FAM114A2: variants seen among roughly 807,000 people sequenced by gnomAD.
FAM114A2 encodes family with sequence similarity 114 member A2.
A neutral mutation model predicts 58.4 loss-of-function variants in FAM114A2; 53 were observed. The ratio of observed to expected loss-of-function variants is 0.91; its 90% CI spans 0.73 to 1.14. The LOEUF is 1.14. Among genes scored for constraint, FAM114A2 ranks in the 50% most tolerant of loss-of-function variants. The probability of loss-of-function intolerance (pLI) is 0.00; values close to 1 mark genes in which losing one functional copy is unlikely to be tolerated. For missense variants in FAM114A2, 601 were observed against 581.1 expected, an observed-to-expected ratio of 1.03 and a Z score of -0.35; for synonymous variants, 228 against 211.4, an observed-to-expected ratio of 1.08 and a Z score of -0.68.
At position 154,002,206 on chromosome 5, in the gene FAM114A2, A is replaced by G. The variant is rs374333870; in HGVS notation, c.1256+45T>C. The G allele has an allele frequency of 6.3e-6, 10 of 1,586,488 alleles. No homozygotes were observed. In the African/African-American group the frequency reaches 1.1e-4, roughly 17 times the overall value. Reference sequence around the variant, plus strand: ...AAAACTTTGGAAACAGGCCAAGAAAACTCCTGCAATTTGCATCATTTAGAG... The same window carrying G: ...AAAACTTTGGAAACAGGCCAAGAAAGCTCCTGCAATTTGCATCATTTAGAG... On this transcript the variant is annotated intron_variant, in intron 11 of 13. Transcript: ENST00000351797.
intron 8 of FAM114A2, among the ~76,000 whole-genome samples, chr5:154,021,078 C>A (rs1476946763): frequency 2.0e-5 from 3 of 152,142 alleles, no homozygotes; most frequent in Admixed American, 6.6e-5. Flanking sequence ...CAGAAAAGGC[C>A]TTTGACAAAA....
At chr5:154,025,874 T>C (rs773369199) in intron 8 of FAM114A2, among the ~76,000 whole-genome samples, 1 of 152,316 alleles carries the variant, frequency 6.6e-6, no homozygotes, top group East Asian at 1.9e-4. Flanking sequence ...ACATAGTATC[T>C]ACATTTACAT....
intron 10 of FAM114A2, 64 bp downstream of exon 10, chr5:154,002,783 C>T: frequency 6.4e-7 from 1 of 1,560,678 alleles, no homozygotes; most frequent in South Asian, 1.1e-5. Context: ...GAGCCTGGGT[C>T]CCTGATTGTG....
intron 9 of FAM114A2, among the ~76,000 whole-genome samples, chr5:154,003,340 A>C (rs1375193260): frequency 6.6e-6 from 1 of 151,672 alleles, no homozygotes; most frequent in Non-Finnish European, 1.5e-5. Context: ...CACCACGCCC[A>C]GCTAATTTTT....
Position 154,028,228 on chromosome 5 carries a change from G to T in FAM114A2, c.551C>A (p.Thr184Lys). 1.2e-6 allele frequency: 2 copies of T among 1,610,892 alleles called. No homozygotes were observed. Among genetic ancestry groups the T allele is most frequent in the Non-Finnish European group, 1.7e-6 (2 of 1,177,422 alleles). The change falls in exon 6 of 14, where the codon ACA becomes AAA. Residue 184 changes from threonine to lysine, a missense_variant. Coordinates refer to ENST00000351797, the MANE Select transcript of FAM114A2 (RefSeq NM_018691.4). ...LDALEFIGKK[T>K]MDVIAEGDPG... is the part of the protein sequence containing the mutation. ...ATCCCCTTCTGCTATCACATCCATT[G>T]TCTTTTTTCCAATGAATTCTAAGGC...
At chr5:154,033,746 C>T (rs886658314) in intron 4 of FAM114A2, 45 bp downstream of exon 4, 2 of 1,145,040 alleles carry the variant, frequency 1.7e-6, no homozygotes, top group African/African-American at 3.1e-5. Context: ...TCAACTGTTC[C>T]ATTTCAATTC....
At chr5:154,034,446 T>C in intron 2 of FAM114A2, 69 bp from the exon 3 acceptor site, 1 of 934,728 alleles carries the variant, frequency 1.1e-6, no homozygotes, top group Non-Finnish European at 1.7e-6. Flanking sequence ...AATCAGAATG[T>C]ACAGACAAGG....
intron 8 of FAM114A2, among the ~76,000 whole-genome samples, chr5:154,012,878 G>C (rs1226422640): frequency 6.6e-6 from 1 of 152,002 alleles, no homozygotes; most frequent in Non-Finnish European, 1.5e-5. Flanking sequence ...TAATTCAATG[G>C]AGGGCAGGAA....
chr5:154,032,252 G>A (rs548668720), intron 4 of FAM114A2, among the ~76,000 whole-genome samples: 106 of 152,250 alleles, frequency 7.0e-4, no homozygotes, highest in African/African-American at 2.4e-3. Flanking sequence ...TGTTTCTGTG[G>A]TTTGTGTTCC....
chr5:154,013,405 T>A (rs1770827933), intron 8 of FAM114A2, among the ~76,000 whole-genome samples: 2 of 152,282 alleles, frequency 1.3e-5, no homozygotes, highest in South Asian at 2.1e-4. Flanking sequence ...ACCACTTTTT[T>A]AAAAAACAGC....
chr5:154,033,952 A>G (rs1261652554), intron 3 of FAM114A2, 69 bp from the exon 4 acceptor site: 21 of 954,612 alleles, frequency 2.2e-5, no homozygotes, highest in Non-Finnish European at 3.3e-5. Flanking sequence ...ATCAAACTTG[A>G]AGATTTTTAA....
intron 8 of FAM114A2, among the ~76,000 whole-genome samples, chr5:154,014,657 C>T (rs1770909391): frequency 2.0e-5 from 3 of 152,120 alleles, no homozygotes; most frequent in South Asian, 2.1e-4. Context: ...CCTGTGGGCT[C>T]GCTGGGTCCC....
intron 9 of FAM114A2, 126 bp downstream of exon 9, chr5:154,011,115 T>A (rs187823795): frequency 1.5e-6 from 1 of 678,778 alleles, no homozygotes; most frequent in Admixed American, 2.8e-5. Context: ...AACCCAATTC[T>A]GGGTATAACG....
rs1389318831 is a variant in FAM114A2 at position 153,997,789 on chromosome 5, G to T, written c.1329+14C>A. On this transcript the variant is annotated intron_variant, in intron 12 of 13. Transcript: ENST00000351797. Reference sequence around the variant, plus strand: ...CAGACAAACATTATTGCAGTAAGAGGCATGGATTCTTACCCCAGCAGTTGT... The same window carrying T: ...CAGACAAACATTATTGCAGTAAGAGTCATGGATTCTTACCCCAGCAGTTGT... The T allele has an allele frequency of 5.5e-6, 8 of 1,462,766 alleles. No individual in the cohort carries two copies. The highest frequency in any genetic ancestry group is 7.7e-6 in the Non-Finnish European group (8 of 1,044,080). The allele number at this position is 1,462,766 out of a possible 1,614,324, so 90.6% of individuals were successfully genotyped here.
At chr5:154,034,638 T>G in intron 2 of FAM114A2, 106 bp downstream of exon 2, 2 of 821,400 alleles carry the variant, frequency 2.4e-6, no homozygotes, top group Non-Finnish European at 2.0e-6. Context: ...GAGAAAGAAA[T>G]AAGAGCAATT....
chr5:154,024,042 T>C (rs1771619242), intron 8 of FAM114A2, among the ~76,000 whole-genome samples: 1 of 151,940 alleles, frequency 6.6e-6, no homozygotes, highest in African/African-American at 2.4e-5. Flanking sequence ...AGATTAGAAA[T>C]AGAAAACCAA....
intron 1 of FAM114A2, 119 bp from the exon 2 acceptor site, chr5:154,035,086 A>G (rs1772463197): frequency 1.6e-6 from 1 of 628,370 alleles, no homozygotes; most frequent in East Asian, 2.7e-5. Context: ...AATAATACAG[A>G]GATCCCATAT....
At chr5:154,014,712 G>C (rs1381191566) in intron 8 of FAM114A2, among the ~76,000 whole-genome samples, 8 of 152,158 alleles carry the variant, frequency 5.3e-5, no homozygotes, top group Admixed American at 5.2e-4. Flanking sequence ...CCTTGGGGAG[G>C]ATGGCCAGAG....
At chr5:154,027,118 C>T in intron 7 of FAM114A2, 58 bp downstream of exon 7, 1 of 1,384,306 alleles carries the variant, frequency 7.2e-7, no homozygotes, top group Non-Finnish European at 1.0e-6. Flanking sequence ...GAAAGGAAAC[C>T]ATGCAGCATT....
Sources: allele counts gnomAD v4.1 joint callset (sites outside exome capture counted in the v4.1 genomes callset), GRCh38; gene constraint gnomAD v4.1.1; transcripts MANE v1.5; gene names NCBI Gene and HGNC (gene_info 2026-07-23, HGNC 2026-07-21).